Variants in PIK3AP1 observed in about 807,000 individuals in gnomAD.
PIK3AP1 encodes phosphoinositide-3-kinase adaptor protein 1, also known as phosphoinositide 3-kinase adapter protein 1.
Under a neutral mutation model 88.1 loss-of-function variants are expected in PIK3AP1, and 21 were observed. That is an observed-to-expected ratio of 0.24 (90% CI 0.17 to 0.34). PIK3AP1 has a LOEUF of 0.34. Ranked by LOEUF, PIK3AP1 falls within the 10% of genes least tolerant of loss-of-function variation. PIK3AP1 has a pLI of 1.00. For missense variants in PIK3AP1, 828 were observed against 1,035.7 expected, an observed-to-expected ratio of 0.80 and a Z score of 2.75; for synonymous variants, 398 against 400.0, an observed-to-expected ratio of 1.00 and a Z score of 0.06.
At position 96,658,947 on chromosome 10, in the gene PIK3AP1, A is replaced by G. The variant is rs532693943; in HGVS notation, c.431-2013T>C. Among the ~76,000 whole-genome samples the G allele has an allele frequency of 1.1e-4, 16 of 152,244 alleles. No individual in the cohort carries two copies. The South Asian group carries it at 3.3e-3, about 32-fold the overall frequency. ...CCTCAATCCCTGCAAAAACTAACAC[A>G]GTAGGCTGCCGTTTTCTCTGCTGAA... On this transcript the variant is annotated intron_variant, in intron 2 of 16. Transcript: ENST00000339364.
rs117619397 is a variant in PIK3AP1, at chr10:96,677,264, C to T, written c.431-20330G>A. Among the ~76,000 whole-genome samples the T allele has an allele frequency of 3.2e-4, 49 of 152,230 alleles. 2 individuals carry two copies. In the East Asian group the frequency reaches 7.9e-3, roughly 25 times the overall value. On this transcript the variant is annotated intron_variant, in intron 2 of 16. Transcript: ENST00000339364. ...GCCTCAACACAACACCTTCTTTTGC[C>T]TCTTGTTTGCATTTATCCTTCCCAC...
At chr10:96,665,070 G>A (rs1229117180) in intron 2 of PIK3AP1, among the ~76,000 whole-genome samples, 1 of 151,184 alleles carries the variant, frequency 6.6e-6, no homozygotes, top group East Asian at 1.9e-4. Flanking sequence ...AATAATGTTT[G>A]AGCGAAGGTA....
At chr10:96,682,013 TAGAGAGAG>T (rs55857679) in intron 2 of PIK3AP1, among the ~76,000 whole-genome samples, 217 of 108,556 alleles carry the variant, frequency 2.0e-3, no homozygotes, top group Admixed American at 5.1e-3. Context: ...TATATATATA[TAGAGAGAG>T]AGAGAGAGAG....
chr10:96,696,516 T>C (rs1844223647), intron 2 of PIK3AP1, among the ~76,000 whole-genome samples: 1 of 152,348 alleles, frequency 6.6e-6, no homozygotes, highest in Middle Eastern at 3.4e-3. Flanking sequence ...CTGGGTCATG[T>C]GAATGGCTGG....
At chr10:96,716,098 T>C (rs1844498791) in intron 1 of PIK3AP1, among the ~76,000 whole-genome samples, 1 of 151,620 alleles carries the variant, frequency 6.6e-6, no homozygotes, top group Non-Finnish European at 1.5e-5. Context: ...CTGGCCAACA[T>C]AGTGAAACTC....
intron 8 of PIK3AP1, among the ~76,000 whole-genome samples, chr10:96,638,162 G>A (rs1843337507): frequency 6.6e-6 from 1 of 152,154 alleles, no homozygotes; most frequent in African/African-American, 2.4e-5. Flanking sequence ...TTCATGTGTT[G>A]GAAACTTAAT....
intron 4 of PIK3AP1, among the ~76,000 whole-genome samples, chr10:96,651,903 T>A (rs1281995935): frequency 6.6e-6 from 1 of 151,980 alleles, no homozygotes; most frequent in Admixed American, 6.6e-5. Context: ...TTCAAAAAAT[T>A]TTCATCTTTT....
At position 96,709,690 on chromosome 10, in the gene PIK3AP1, A is replaced by C; in HGVS notation, c.307T>G (p.Cys103Gly). ...AACTCCTCGCTGTCCCGCACGCCGC[A>C]GAGCAGCCTGACCACGCGGTGCGGA... is the stretch of plus-strand genomic sequence containing the variant. ...HPPHRVVRLL[C>G]GVRDSEEFLD... Residue 103 changes from cysteine (C) to glycine (G), a missense_variant, in exon 2 of 17, where the codon TGC becomes GGC. Physicochemically the swap from Cys to Gly is radical, Grantham distance 159 (BLOSUM62 -3). This residue lies in a region of PIK3AP1 where 610 missense variants were observed against 760.1 expected (regional missense o/e 0.80). Coordinates refer to ENST00000339364, the MANE Select transcript of PIK3AP1 (RefSeq NM_152309.3). 1 of 1,614,260 alleles carries C rather than the reference A, an allele frequency of 6.2e-7. No homozygotes were observed.
chr10:96,710,011 G>A lies in PIK3AP1; in HGVS notation c.14-28C>T, dbSNP rs200495112. ...GGACAAGAATGAGGCACAGAAGCAT[G>A]TTAGCACACCTCCCCTTCTAGGTGG... On this transcript the variant is annotated intron_variant, in intron 1 of 16. Coordinates refer to ENST00000339364, the MANE Select transcript of PIK3AP1 (RefSeq NM_152309.3). The A allele has an allele frequency of 7.9e-5, 123 of 1,547,728 alleles. 1 individual carries two copies. The Admixed American group carries it at 9.2e-4, about 12-fold the overall frequency.
intron 4 of PIK3AP1, among the ~76,000 whole-genome samples, chr10:96,652,110 C>A (rs192148174): frequency 6.6e-6 from 1 of 151,788 alleles, no homozygotes; most frequent in Non-Finnish European, 1.5e-5. Flanking sequence ...CTCCCTGGGG[C>A]GGGATGCTAT....
chr10:96,706,466 T>C (rs1458351830), intron 2 of PIK3AP1, among the ~76,000 whole-genome samples: 1 of 151,956 alleles, frequency 6.6e-6, no homozygotes, highest in Non-Finnish European at 1.5e-5. Context: ...TGTCTTTAGA[T>C]ACTGTTCTAG....
intron 2 of PIK3AP1, among the ~76,000 whole-genome samples, chr10:96,666,470 C>T (rs913250941): frequency 2.0e-5 from 3 of 151,966 alleles, no homozygotes; most frequent in Admixed American, 6.6e-5. Context: ...ATTTAAACAA[C>T]ATCAAAATCA....
chr10:96,716,453 A>G (rs1844503655), intron 1 of PIK3AP1, among the ~76,000 whole-genome samples: 1 of 152,206 alleles, frequency 6.6e-6, no homozygotes, highest in African/African-American at 2.4e-5. Flanking sequence ...GACTTAGACC[A>G]ATTACTAAGT....
chr10:96,687,065 G>C (rs1216376610), intron 2 of PIK3AP1, among the ~76,000 whole-genome samples: 1 of 151,758 alleles, frequency 6.6e-6, no homozygotes, highest in African/African-American at 2.4e-5. Context: ...GACCATCCTG[G>C]CTAATACGGT....
intron 2 of PIK3AP1, among the ~76,000 whole-genome samples, chr10:96,705,884 GTTTTTTT>G (rs964917515): frequency 1.3e-4 from 8 of 60,968 alleles, no homozygotes; most frequent in African/African-American, 5.5e-4. Flanking sequence ...CCAGCCAGTT[GTTTTTTT>G]TTTTTTTTTT....
In PIK3AP1 at chr10:96,709,708, G is replaced by A. The variant is rs755714098; in HGVS notation, c.289C>T (p.Arg97Cys). The A allele has an allele frequency of 1.2e-6, 2 of 1,614,232 alleles. No individual in the cohort carries two copies. The highest frequency in any genetic ancestry group is 1.3e-5 in the African/African-American group (1 of 75,064). ...LLQRAFHPPH[R>C]VVRLLCGVRD... ...ACGCCGCAGAGCAGCCTGACCACGC[G>A]GTGCGGAGGATGGAAAGCTCTCTGC... The change falls in exon 2 of 17, where the codon CGC (arginine) becomes TGC (cysteine). Residue 97 changes from arginine (R) to cysteine (C), a missense_variant. Around this residue, in one of 3 missense-constraint regions of PIK3AP1, gnomAD observed 610 missense variants for 760.1 expected, o/e 0.80. Transcript: ENST00000339364.
chr10:96,652,660 G>A, intron 4 of PIK3AP1, 38 bp downstream of exon 4: 1 of 1,606,558 alleles, frequency 6.2e-7, no homozygotes, highest in East Asian at 2.2e-5. Flanking sequence ...AATAAGCAAT[G>A]AAGCCCTATG....
intron 2 of PIK3AP1, among the ~76,000 whole-genome samples, chr10:96,701,584 C>T (rs1844298868): frequency 6.6e-6 from 1 of 152,184 alleles, no homozygotes; most frequent in Non-Finnish European, 1.5e-5. Flanking sequence ...GGTACACATT[C>T]TCCATACGAC....
At chr10:96,597,576 T>C (rs555349171) in intron 16 of PIK3AP1, among the ~76,000 whole-genome samples, 3 of 152,092 alleles carry the variant, frequency 2.0e-5, no homozygotes, top group East Asian at 3.9e-4. Flanking sequence ...TAGGAACATA[T>C]AGCATAGACA....
Sources: gnomAD v4.1 joint callset for allele counts (sites outside exome capture counted in the v4.1 genomes callset) on GRCh38, gnomAD v4.1.1 for gene constraint, gnomAD v4.1.1 regional missense constraint, MANE v1.5 for transcripts, NCBI Gene and HGNC (gene_info 2026-07-23, HGNC 2026-07-21) for gene names.